The following MAD1L1 variants were observed in gnomAD, a reference collection of about 807,000 sequenced individuals.
MAD1L1 encodes the protein mitotic spindle assembly checkpoint protein MAD1.
In MAD1L1, 95 loss-of-function variants were observed where a neutral mutation model predicts 96.9. The observed-to-expected ratio is 0.98, with a 90% CI of 0.83 to 1.16. MAD1L1 has a LOEUF of 1.16. Among genes scored for constraint, MAD1L1 ranks in the 50% most tolerant of loss-of-function variants. The pLI, the probability that MAD1L1 is intolerant of heterozygous loss-of-function variation, is 0.00. For missense variants in MAD1L1, 1,007 were observed against 954.4 expected (o/e 1.06, Z -0.73); for synonymous variants, 473 against 396.6 (o/e 1.19, Z -2.29).
chr7:1,850,465 C>G (rs1562456267), intron 18 of MAD1L1, among the ~76,000 whole-genome samples: 1 of 152,246 alleles, frequency 6.6e-6, no homozygotes, highest in Non-Finnish European at 1.5e-5. Flanking sequence ...CAGGCTTCCT[C>G]TAGTGGGTCC....
intron 11 of MAD1L1, among the ~76,000 whole-genome samples, chr7:2,111,686 C>T (rs1050720137): frequency 6.6e-6 from 1 of 152,218 alleles, no homozygotes; most frequent in Non-Finnish European, 1.5e-5. Context: ...CCAGCAGCCG[C>T]ACGCTGGAAA....
At chr7:1,981,104 C>T (rs892232453) in intron 14 of MAD1L1, among the ~76,000 whole-genome samples, 2 of 152,158 alleles carry the variant, frequency 1.3e-5, no homozygotes, top group Non-Finnish European at 2.9e-5. Context: ...GTAGCTGGGA[C>T]TACAGGCGCG....
intron 18 of MAD1L1, among the ~76,000 whole-genome samples, chr7:1,851,082 C>G (rs1390186202): frequency 6.6e-6 from 1 of 151,930 alleles, no homozygotes; most frequent in East Asian, 1.9e-4. Context: ...AGGAAGTAAG[C>G]CCACAGGCCA....
At chr7:2,198,545 G>A (rs1792113360) in intron 10 of MAD1L1, among the ~76,000 whole-genome samples, 1 of 152,244 alleles carries the variant, frequency 6.6e-6, no homozygotes, top group Non-Finnish European at 1.5e-5. Context: ...GTCCACCCGG[G>A]ACAGCAATCG....
chr7:2,059,531 A>G (rs1484493307), intron 12 of MAD1L1, among the ~76,000 whole-genome samples: 1 of 140,866 alleles, frequency 7.1e-6, no homozygotes, highest in Non-Finnish European at 1.5e-5. Context: ...GAGCATGGCC[A>G]GGGGAGAGGA....
Position 2,225,449 on chromosome 7 carries a change from C to T in MAD1L1, c.252G>A (p.Glu84=), listed in dbSNP as rs1013070942. 3 of 1,614,060 alleles carry T rather than the reference C, an allele frequency of 1.9e-6. No homozygotes were observed. In the African/African-American group the frequency reaches 4.0e-5, roughly 22 times the overall value. ...CACTGGTGCTGGCTGCTCTCTCCAGCTCCACTCGAGCCCTCTTGTGACTCA... is the reference window on the plus strand; with the variant it reads ...CACTGGTGCTGGCTGCTCTCTCCAGTTCCACTCGAGCCCTCTTGTGACTCA... The part of the protein sequence containing the change: ...MELSHKRARV[E]LERAASTSAR... Residue 84 remains glutamate (E), a synonymous_variant, in exon 4 of 19, where the codon GAG becomes GAA. Transcript: ENST00000265854.
chr7:2,182,358 T>C (rs561106512), intron 10 of MAD1L1, among the ~76,000 whole-genome samples: 3 of 151,810 alleles, frequency 2.0e-5, no homozygotes, highest in Non-Finnish European at 4.4e-5. Context: ...GGGTTAAAAA[T>C]TCAGAGAAAC....
chr7:2,071,215 A>G (rs1363477106), intron 11 of MAD1L1, among the ~76,000 whole-genome samples: 1 of 152,062 alleles, frequency 6.6e-6, no homozygotes, highest in Non-Finnish European at 1.5e-5. Context: ...GTAACTTAGT[A>G]GAAGTCTTGA....
At chr7:2,046,195 C>A (rs1783911953) in intron 12 of MAD1L1, among the ~76,000 whole-genome samples, 2 of 152,188 alleles carry the variant, frequency 1.3e-5, no homozygotes, top group Admixed American at 6.5e-5. Flanking sequence ...GCCCTCCCTA[C>A]AGAGGGGAGT....
intron 18 of MAD1L1, among the ~76,000 whole-genome samples, chr7:1,856,388 G>T (rs1784252149): frequency 6.6e-6 from 1 of 152,234 alleles, no homozygotes; most frequent in Non-Finnish European, 1.5e-5. Context: ...CCACAGGCCA[G>T]CCTCTGTGGG....
At position 2,014,564 on chromosome 7, in the gene MAD1L1, G is replaced by C. The variant is rs779234549; in HGVS notation, c.1297C>G (p.Arg433Gly). ...ATATCCTCAGCCTCCCGCATGCGCC[G>C]CGTCAGCTGGGGTGAGTACTCGGCC... ...TPAEYSPQLT[R>G]RMREAEDMVQ... The change falls in exon 13 of 19, where the codon CGG becomes GGG. Residue 433 changes from arginine (R) to glycine (G), a missense_variant. By Grantham distance (125) the Arg-to-Gly change is moderately radical. Coordinates refer to ENST00000265854, the MANE Select transcript of MAD1L1 (RefSeq NM_001013836.2). 1.9e-6 allele frequency: 3 copies of C among 1,611,686 alleles called. No individual in the cohort carries two copies. The highest frequency in any genetic ancestry group is 1.7e-5 in the Admixed American group (1 of 59,968).
intron 12 of MAD1L1, among the ~76,000 whole-genome samples, chr7:2,048,679 A>G (rs1456632864): frequency 6.6e-6 from 1 of 152,198 alleles, no homozygotes; most frequent in African/African-American, 2.4e-5. Flanking sequence ...CCCTCTGTGA[A>G]GAACCTCCTC....
chr7:1,986,526 C>T (rs982157930), intron 14 of MAD1L1, among the ~76,000 whole-genome samples: 1 of 151,354 alleles, frequency 6.6e-6, no homozygotes, highest in Non-Finnish European at 1.5e-5. Context: ...CTCCGCGGCT[C>T]CCTCGCGCCG....
At chr7:1,943,107 A>G (rs73290520) in intron 16 of MAD1L1, among the ~76,000 whole-genome samples, 2,359 of 152,340 alleles carry the variant, frequency 0.015, 69 homozygotes, top group African/African-American at 0.054. Flanking sequence ...ACCTCCCACC[A>G]TAAACAAAAA....
rs1042171424 is a variant in MAD1L1, at chr7:2,001,219, C to T, written c.1416+846G>A. ...GCAGGCCCTGGGGTCCGTACAACGC[C>T]GACAGCAGCTCTGCCTGTGACCCAG... On this transcript the variant is annotated intron_variant, in intron 14 of 18. Transcript: ENST00000265854. 7.2e-5 allele frequency among the ~76,000 whole-genome samples: 11 copies of T among 152,342 alleles called. No homozygotes were observed. In the South Asian group the frequency reaches 1.9e-3, roughly 26 times the overall value.
intron 17 of MAD1L1, among the ~76,000 whole-genome samples, chr7:1,913,594 C>A (rs1175445784): frequency 1.3e-5 from 2 of 152,226 alleles, no homozygotes; most frequent in African/African-American, 4.8e-5. Context: ...CTCGCAGGGG[C>A]TCTGGCTCTA....
chr7:2,105,321 C>T (rs1787031972), intron 11 of MAD1L1, among the ~76,000 whole-genome samples: 1 of 152,086 alleles, frequency 6.6e-6, no homozygotes, highest in Non-Finnish European at 1.5e-5. Flanking sequence ...AGTGAGGGGG[C>T]CCAGCTAAGA....
chr7:1,871,446 T>A (rs1299069624), intron 18 of MAD1L1, among the ~76,000 whole-genome samples: 1 of 137,502 alleles, frequency 7.3e-6, no homozygotes, highest in Non-Finnish European at 1.5e-5. Context: ...CCGTAACACC[T>A]GCCACGCTGA....
intron 14 of MAD1L1, among the ~76,000 whole-genome samples, chr7:1,986,904 G>C (rs534937041): frequency 6.6e-6 from 1 of 151,972 alleles, no homozygotes; most frequent in East Asian, 1.9e-4. Context: ...CCTTGAGCCT[G>C]TGCCCGACAC....
Sources: gnomAD v4.1 joint callset for allele counts (sites outside exome capture counted in the v4.1 genomes callset) on GRCh38, gnomAD v4.1.1 for gene constraint, MANE v1.5 for transcripts, NCBI Gene and HGNC (gene_info 2026-07-23, HGNC 2026-07-21) for gene names.